Variants in EXOC6 observed in about 807,000 individuals in gnomAD.
EXOC6 encodes the protein SEC15-like 1.
Under a neutral mutation model 112.5 loss-of-function variants are expected in EXOC6, and 60 were observed. That is an observed-to-expected ratio of 0.53 (90% CI 0.43 to 0.66). The LOEUF (loss-of-function observed/expected upper bound fraction) is 0.66, where lower values mean the gene tolerates loss of function less well. EXOC6 is among the 30% of genes least tolerant of loss of function. The pLI is 0.00. For missense variants in EXOC6, 855 were observed against 957.1 expected, an observed-to-expected ratio of 0.89 and a Z score of 1.41; for synonymous variants, 295 against 308.0, an observed-to-expected ratio of 0.96 and a Z score of 0.44.
At chr10:93,025,386 G>A (rs1364639894) in intron 20 of EXOC6, among the ~76,000 whole-genome samples, 1 of 152,160 alleles carries the variant, frequency 6.6e-6, no homozygotes, top group Non-Finnish European at 1.5e-5. Context: ...CAAGGCTAGT[G>A]AGGGATGAGA....
rs777631591 is a variant in EXOC6 at position 92,974,036 on chromosome 10, A to G, written c.1774-17A>G. On this transcript the variant is annotated splice_polypyrimidine_tract_variant and intron_variant, in intron 17 of 21. Transcript: ENST00000260762. ...TTATCTGTTTCTTGTCTTTGTTGTT[A>G]TTTTGTCCCATGTCAGGATGCTCGA... The G allele has an allele frequency of 6.4e-6, 10 of 1,563,868 alleles. No individual in the cohort carries two copies. The East Asian group carries it at 1.8e-4, about 29-fold the overall frequency.
chr10:93,024,212 T>G (rs1704337006), intron 20 of EXOC6, among the ~76,000 whole-genome samples: 1 of 152,174 alleles, frequency 6.6e-6, no homozygotes, highest in African/African-American at 2.4e-5. Flanking sequence ...TTTAGGTAGG[T>G]CAAATGATAA....
chr10:92,935,658 G>A lies in EXOC6; in HGVS notation c.1141-156G>A, dbSNP rs1016951692. On this transcript the variant is annotated intron_variant, in intron 11 of 21. Coordinates refer to ENST00000260762, the MANE Select transcript of EXOC6 (RefSeq NM_019053.6). ...TAAACGTTTATACTGAATAGAGAAG[G>A]TCTGTTGTGAATCTAACCAACCAAA... 1.3e-5 allele frequency among the ~76,000 whole-genome samples: 2 copies of A among 152,050 alleles called. 1 individual carries two copies. Among genetic ancestry groups the A allele is most frequent in the Non-Finnish European group, 2.9e-5 (2 of 67,994 alleles).
At chr10:92,957,345 A>G (rs1051915542) in intron 17 of EXOC6, among the ~76,000 whole-genome samples, 15 of 152,132 alleles carry the variant, frequency 9.9e-5, no homozygotes, top group Admixed American at 9.8e-4. Flanking sequence ...GTTTCTAGGG[A>G]TCTTCAAGTA....
rs774644393 is a variant in EXOC6 at position 92,948,319 on chromosome 10, T to C, written c.1356T>C (p.Asn452=). The change falls in exon 14 of 22, where the codon AAT becomes AAC. Residue 452 remains asparagine, a synonymous_variant. Transcript: ENST00000260762. ...EDNYSPIPVV[N]EEEYKIVISK... ...ATTACAGCCCCATCCCTGTTGTCAA[T>C]GAAGAAGAATATAAAATTGTCATCA... The C allele has an allele frequency of 6.2e-7, 1 of 1,610,726 alleles. No homozygotes were observed. Among genetic ancestry groups the C allele is most frequent in the Admixed American group, 1.7e-5 (1 of 59,484 alleles).
chr10:92,880,808 A>C (rs145867222), intron 1 of EXOC6, among the ~76,000 whole-genome samples: 282 of 152,292 alleles, frequency 1.9e-3, no homozygotes, highest in African/African-American at 6.2e-3. Flanking sequence ...CAGGGGTAGA[A>C]AATAAGTTTA....
chr10:92,939,288 C>T (rs1852524686), intron 12 of EXOC6, among the ~76,000 whole-genome samples: 1 of 151,742 alleles, frequency 6.6e-6, no homozygotes, highest in South Asian at 2.1e-4. Flanking sequence ...ATATTAAGGA[C>T]CTGAGATAAA....
chr10:93,032,196 G>C (rs544137113), intron 20 of EXOC6, among the ~76,000 whole-genome samples: 1 of 152,252 alleles, frequency 6.6e-6, no homozygotes, highest in African/African-American at 2.4e-5. Context: ...AATCAGCCAG[G>C]TATTGTGGTG....
chr10:92,978,042 T>A (rs1842698446), intron 18 of EXOC6, among the ~76,000 whole-genome samples: 1 of 152,188 alleles, frequency 6.6e-6, no homozygotes, highest in African/African-American at 2.4e-5. Context: ...AATAAATTTT[T>A]ATAGACCAAT....
chr10:92,894,951 A>G lies in EXOC6; in HGVS notation c.343A>G (p.Ile115Val), dbSNP rs772144852. 1.9e-5 allele frequency: 30 copies of G among 1,612,410 alleles called. No individual in the cohort carries two copies. The Admixed American group carries it at 4.7e-4, about 25-fold the overall frequency. Residue 115 changes from isoleucine to valine, a missense_variant, in exon 4 of 22, where the codon ATC becomes GTC. Ile to Val is a conservative substitution (Grantham distance 29). Transcript: ENST00000260762. Reference protein sequence around the residue: ...GKEVIVHTEDIIRCRIQQRNI... With the variant: ...GKEVIVHTEDVIRCRIQQRNI... ...TAAGGTGATAGTCCACACAGAAGAT[A>G]TCATTCGATGTAGAATTCAGCAGAG...
chr10:92,877,353 A>G (rs112492569), intron 1 of EXOC6, among the ~76,000 whole-genome samples: 1 of 151,932 alleles, frequency 6.6e-6, no homozygotes, highest in Non-Finnish European at 1.5e-5. Context: ...TGGATTGTCT[A>G]CCTGGCTCTG....
chr10:93,027,635 A>G (rs537431688), intron 20 of EXOC6, among the ~76,000 whole-genome samples: 18 of 152,360 alleles, frequency 1.2e-4, no homozygotes, highest in African/African-American at 2.6e-4. Flanking sequence ...CCTGTGCTCT[A>G]TAAATGGAAC....
chr10:92,996,388 A>C (rs1403297255), intron 18 of EXOC6, among the ~76,000 whole-genome samples: 2 of 152,310 alleles, frequency 1.3e-5, no homozygotes, highest in African/African-American at 4.8e-5. Flanking sequence ...TGGGAGGCCA[A>C]GGCGGGCGGA....
intron 20 of EXOC6, among the ~76,000 whole-genome samples, chr10:93,043,723 C>T (rs982290447): frequency 1.3e-5 from 2 of 152,206 alleles, no homozygotes; most frequent in Non-Finnish European, 2.9e-5. Flanking sequence ...AGATTCACAT[C>T]GTGCAAGCAT....
intron 20 of EXOC6, among the ~76,000 whole-genome samples, chr10:93,032,751 A>T (rs958080996): frequency 6.6e-6 from 1 of 152,188 alleles, no homozygotes; most frequent in Admixed American, 6.5e-5. Context: ...GCTAATTTAA[A>T]TAGTTTTAGA....
At chr10:93,029,045 T>C (rs1166334421) in intron 20 of EXOC6, among the ~76,000 whole-genome samples, 1 of 152,140 alleles carries the variant, frequency 6.6e-6, no homozygotes, top group African/African-American at 2.4e-5. Flanking sequence ...TTTAAGATAT[T>C]GGCATAGCCA....
At chr10:92,940,698 A>G (rs1453679871) in intron 12 of EXOC6, 29 bp from the exon 13 acceptor site, 6 of 1,288,324 alleles carry the variant, frequency 4.7e-6, no homozygotes, top group Non-Finnish European at 6.5e-6. Flanking sequence ...ACACTTGTTT[A>G]TCTGCTTTTT....
chr10:92,873,688 A>T lies in EXOC6; in HGVS notation c.102-19661A>T, dbSNP rs115342566. On this transcript the variant is annotated intron_variant, in intron 1 of 21. Transcript: ENST00000260762. ...TATAGCAAACTAGATGAAATATTTC[A>T]TGGAAAAACACATAGAACGTGAGTT... Among the ~76,000 whole-genome samples, 512 of 152,284 alleles carry T rather than the reference A, an allele frequency of 3.4e-3. 4 individuals are homozygous for T. Among genetic ancestry groups the T allele is most frequent in the African/African-American group, 0.012 (486 of 41,542 alleles).
intron 19 of EXOC6, chr10:92,999,223 G>GTTTTTT: frequency 1.1e-5 from 4 of 348,194 alleles, no homozygotes; most frequent in Non-Finnish European, 1.6e-5. Context: ...TTTTTTACAA[G>GTTTTTT]TTTTTTTTTT....
Sources: gnomAD v4.1 joint callset for allele counts (sites outside exome capture counted in the v4.1 genomes callset) on GRCh38, gnomAD v4.1.1 for gene constraint, MANE v1.5 for transcripts, NCBI Gene and HGNC (gene_info 2026-07-23, HGNC 2026-07-21) for gene names.